SEC14L5: variants seen among roughly 807,000 people sequenced by gnomAD.
SEC14L5 encodes the protein SEC14-like protein 5.
SEC14L5 carries 96 observed loss-of-function variants against 84.6 expected under a neutral mutation model. That is an observed-to-expected ratio of 1.13 (90% CI 0.96 to 1.34). SEC14L5 has a LOEUF of 1.34. Among genes scored for constraint, SEC14L5 ranks in the 40% most tolerant of loss-of-function variants. The pLI, the probability that SEC14L5 is intolerant of heterozygous loss-of-function variation, is 0.00. For synonymous variants in SEC14L5, 546 were observed against 383.4 expected, an observed-to-expected ratio of 1.42 and a Z score of -4.95; for missense variants, 1,224 against 942.5, an observed-to-expected ratio of 1.30 and a Z score of -3.91.
At chr16:5,007,740 G>A (rs1171005684) in intron 13 of SEC14L5, among the ~76,000 whole-genome samples, 1 of 151,106 alleles carries the variant, frequency 6.6e-6, no homozygotes, top group African/African-American at 2.4e-5. Flanking sequence ...CGAGTAGCTG[G>A]GATTATAGAC....
chr16:4,999,265 T>G (rs1243344725), intron 8 of SEC14L5, among the ~76,000 whole-genome samples: 1 of 152,164 alleles, frequency 6.6e-6, no homozygotes, highest in East Asian at 1.9e-4. Context: ...CTGCTGGCCG[T>G]GAGTTCAATG....
chr16:4,987,753 A>C, intron 3 of SEC14L5, 47 bp downstream of exon 3: 1 of 1,227,286 alleles, frequency 8.1e-7, no homozygotes, highest in Non-Finnish European at 1.1e-6. Flanking sequence ...CCTGTTGCGG[A>C]GGTGCGGGAG....
intron 6 of SEC14L5, among the ~76,000 whole-genome samples, chr16:4,992,847 C>T (rs1955566037): frequency 6.6e-6 from 1 of 152,238 alleles, no homozygotes; most frequent in African/African-American, 2.4e-5. Flanking sequence ...TATATATACC[C>T]ACACACATAT....
intron 1 of SEC14L5, among the ~76,000 whole-genome samples, chr16:4,958,814 G>A (rs965520620): frequency 6.6e-6 from 1 of 152,184 alleles, no homozygotes; most frequent in African/African-American, 2.4e-5. Context: ...CCTGTGAAAT[G>A]TGGTGAAGGC....
In SEC14L5 at chr16:5,011,220, GC is replaced by G; in HGVS notation, c.1929del (p.Lys644SerfsTer151). On this transcript the variant is annotated frameshift_variant, in exon 15 of 16. Coordinates refer to ENST00000251170, the MANE Select transcript of SEC14L5 (RefSeq NM_014692.2). LOFTEE classifies it high-confidence loss of function. ...DVLTALHSPG[P>X]KCKLLYYCEV... is the part of the protein sequence containing the mutation. Reference sequence around the variant, plus strand: ...TCCTGACGGCTCTGCACAGCCCCGGGCCCAAGTGCAAACTTCTCTACTACTG... The same window carrying G: ...TCCTGACGGCTCTGCACAGCCCCGGGCCAAGTGCAAACTTCTCTACTACTG... The G allele has an allele frequency of 2.5e-6, 4 of 1,613,872 alleles. No individual in the cohort carries two copies. The highest frequency in any genetic ancestry group is 3.4e-6 in the Non-Finnish European group (4 of 1,179,886).
At chr16:4,977,446 C>CAAAAAAAAAAAA (rs762657125) in intron 2 of SEC14L5, among the ~76,000 whole-genome samples, 2 of 66,160 alleles carry the variant, frequency 3.0e-5, no homozygotes, top group Admixed American at 2.4e-4. Context: ...GACTCCGTCT[C>CAAAAAAAAAAAA]AAAAAAAAAA....
rs554158543 is a variant in SEC14L5, at chr16:4,991,867, T to A, written c.504T>A (p.Asn168Lys). Residue 168 changes from asparagine (N) to lysine (K), a missense_variant, in exon 6 of 16, where the codon AAT (asparagine) becomes AAA (lysine). Coordinates refer to ENST00000251170, the MANE Select transcript of SEC14L5 (RefSeq NM_014692.2). Reference protein sequence around the residue: ...RGKEVIEHYLNELISQGTSHI... With the variant: ...RGKEVIEHYLKELISQGTSHI... ...AGGAGGTGATTGAGCATTACCTGAA[T>A]GAGCTCATCTCCCAGGGTACCTCGC... 1.2e-6 allele frequency: 2 copies of A among 1,609,576 alleles called. No individual in the cohort carries two copies. The highest frequency in any genetic ancestry group is 1.7e-6 in the Non-Finnish European group (2 of 1,178,254).
Position 4,996,340 on chromosome 16 carries a change from C to A in SEC14L5, c.668-8C>A. On this transcript the variant is annotated splice_polypyrimidine_tract_variant and splice_region_variant and intron_variant, in intron 6 of 15. Coordinates refer to ENST00000251170, the MANE Select transcript of SEC14L5 (RefSeq NM_014692.2). ...CTCTTGTCCTGAAGCTCCCCCTTCTCCTCCAAGGGGACAAGCTGGATGCGG... is the reference window on the plus strand; with the variant it reads ...CTCTTGTCCTGAAGCTCCCCCTTCTACTCCAAGGGGACAAGCTGGATGCGG... 3 of 1,518,768 alleles carry A rather than the reference C, an allele frequency of 2.0e-6. No individual in the cohort carries two copies. Among genetic ancestry groups the A allele is most frequent in the Non-Finnish European group, 2.7e-6 (3 of 1,116,714 alleles). The allele number at this position is 1,518,768 out of a possible 1,614,324, so 94.1% of individuals were successfully genotyped here.
At position 5,015,797 on chromosome 16, in the gene SEC14L5, G is replaced by T. The variant is rs1422388189; in HGVS notation, c.*827G>T. 3 of 152,264 alleles carry T rather than the reference G, an allele frequency of 2.0e-5. No homozygotes were observed. Among genetic ancestry groups the T allele is most frequent in the African/African-American group, 7.2e-5 (3 of 41,458 alleles). The allele number at this position is 152,264 out of a possible 1,614,324, so 9.4% of individuals were successfully genotyped here. On this transcript the variant is annotated 3_prime_UTR_variant, in exon 16 of 16. Transcript: ENST00000251170. ...GTGAGTTACAGGCGCTGCTCTTTGT[G>T]GGGAACAGCACATCCTGAAGTGAAA... is the stretch of plus-strand genomic sequence containing the variant.
chr16:5,008,635 G>T lies in SEC14L5; in HGVS notation c.1787G>T (p.Gly596Val), dbSNP rs781535230. 2 of 1,607,336 alleles carry T rather than the reference G, an allele frequency of 1.2e-6. No individual in the cohort carries two copies. Among genetic ancestry groups the T allele is most frequent in the Non-Finnish European group, 1.7e-6 (2 of 1,178,286 alleles). Reference protein sequence around the residue: ...RVEAPLVCREGESIQGSHVTR... With the variant: ...RVEAPLVCREVESIQGSHVTR... ...GAGGCTCCCCTTGTCTGCCGGGAGG[G>T]GGAGAGCATCCAGGTTTGCATTTTC... Residue 596 changes from glycine (G) to valine (V), a missense_variant, in exon 14 of 16, where the codon GGG becomes GTG. Coordinates refer to ENST00000251170, the MANE Select transcript of SEC14L5 (RefSeq NM_014692.2).
At chr16:4,959,054 A>C (rs1290468855) in intron 1 of SEC14L5, among the ~76,000 whole-genome samples, 3 of 151,294 alleles carry the variant, frequency 2.0e-5, no homozygotes, top group East Asian at 3.9e-4. Context: ...GGGGGTGCTG[A>C]CTGCTCTTGG....
In SEC14L5 at chr16:5,014,899, T is replaced by A; in HGVS notation, c.2020T>A (p.Ser674Thr). 1 of 1,613,608 alleles carries A rather than the reference T, an allele frequency of 6.2e-7. No homozygotes were observed. The highest frequency in any genetic ancestry group is 8.5e-7 in the Non-Finnish European group (1 of 1,179,868). The stretch of plus-strand genomic sequence containing the variant: ...CCTGGAATCCTGCACCAGCGGCTTC[T>A]CCCAGCTCAGCGCCGCCACCTCGTC... ...SSLESCTSGF[S>T]QLSAATSSSS... The change falls in exon 16 of 16, where the codon TCC (serine) becomes ACC (threonine). Residue 674 changes from serine to threonine, a missense_variant. Physicochemically the swap from Ser to Thr is moderately conservative, Grantham distance 58 (BLOSUM62 1). Coordinates refer to ENST00000251170, the MANE Select transcript of SEC14L5 (RefSeq NM_014692.2).
chr16:4,969,075 T>A (rs774242036), intron 2 of SEC14L5, among the ~76,000 whole-genome samples: 4 of 152,266 alleles, frequency 2.6e-5, no homozygotes, highest in Non-Finnish European at 5.9e-5. Flanking sequence ...CTGGAGCCTG[T>A]CATCTGATCC....
chr16:5,007,239 GT>G, intron 12 of SEC14L5, 112 bp from the exon 13 acceptor site: 1 of 890,622 alleles, frequency 1.1e-6, no homozygotes, highest in Non-Finnish European at 1.7e-6. Flanking sequence ...AGCCCATTCA[GT>G]AAGGGGTTGC....
intron 11 of SEC14L5, among the ~76,000 whole-genome samples, chr16:5,004,211 G>A (rs1955707645): frequency 6.6e-6 from 1 of 152,236 alleles, no homozygotes; most frequent in Non-Finnish European, 1.5e-5. Context: ...TTCAGTAGCA[G>A]GGGAGGGTGG....
chr16:5,001,323 A>G (rs192752926), intron 10 of SEC14L5, among the ~76,000 whole-genome samples: 1 of 150,190 alleles, frequency 6.7e-6, no homozygotes, highest in East Asian at 2.0e-4. Context: ...CAGCGGTGCA[A>G]TCTCAGTTCA....
At chr16:5,003,260 A>T in intron 10 of SEC14L5, 142 bp from the exon 11 acceptor site, 1 of 644,598 alleles carries the variant, frequency 1.6e-6, no homozygotes. Context: ...TCTTCATCGC[A>T]TGGGCTCCCT....
At chr16:5,008,850 C>T (rs1019504237) in intron 14 of SEC14L5, among the ~76,000 whole-genome samples, 4 of 152,284 alleles carry the variant, frequency 2.6e-5, no homozygotes, top group African/African-American at 2.4e-5. Flanking sequence ...GGTGCAAAAT[C>T]GAGAAAGCAC....
At chr16:5,005,619 T>G (rs796633049) in intron 11 of SEC14L5, among the ~76,000 whole-genome samples, 32 of 152,112 alleles carry the variant, frequency 2.1e-4, no homozygotes, top group African/African-American at 7.5e-4. Flanking sequence ...CCCAGCACTT[T>G]GGGAGGCCGA....
Sources: allele counts gnomAD v4.1 joint callset (sites outside exome capture counted in the v4.1 genomes callset), GRCh38; gene constraint gnomAD v4.1.1; transcripts MANE v1.5; gene names NCBI Gene and HGNC (gene_info 2026-07-23, HGNC 2026-07-21).